Variants in RABGAP1 observed in about 807,000 individuals in gnomAD.
The protein encoded by RABGAP1 is RAB GTPase activating protein 1.
In RABGAP1, 23 loss-of-function variants were observed where a neutral mutation model predicts 137.6. The ratio of observed to expected loss-of-function variants is 0.17; its 90% CI spans 0.12 to 0.24. RABGAP1 has a LOEUF of 0.24. Ranked by LOEUF, RABGAP1 falls within the 10% of genes least tolerant of loss-of-function variation. The pLI, the probability that RABGAP1 is intolerant of heterozygous loss-of-function variation, is 1.00. For synonymous variants in RABGAP1, 451 were observed against 450.7 expected (o/e 1.00, Z -0.01); for missense variants, 906 against 1,275.8 (o/e 0.71, Z 4.42).
chr9:123,073,733 C>G, intron 16 of RABGAP1, 56 bp downstream of exon 16: 1 of 1,600,442 alleles, frequency 6.2e-7, no homozygotes, highest in Non-Finnish European at 8.5e-7. Flanking sequence ...TAAGGAGCAC[C>G]AAATTGAGGA....
chr9:123,061,658 G>A (rs1440990582), intron 13 of RABGAP1, among the ~76,000 whole-genome samples: 4 of 152,094 alleles, frequency 2.6e-5, no homozygotes, highest in Non-Finnish European at 5.9e-5. Context: ...AAATGAATTA[G>A]CCAAAACACA....
chr9:123,074,304 A>G lies in RABGAP1; in HGVS notation c.2129A>G (p.Tyr710Cys). The change falls in exon 17 of 26, where the codon TAC becomes TGC. Residue 710 changes from tyrosine to cysteine, a missense_variant. Transcript: ENST00000373647. ...TTTCAGGAATACATTCCTGACCTGT[A>G]CAACCACTTCCTGGATATAAGCCTT... The part of the protein sequence containing the change: ...RLMQEYIPDL[Y>C]NHFLDISLEA... 1.2e-5 allele frequency: 19 copies of G among 1,613,856 alleles called. No homozygotes were observed. The highest frequency in any genetic ancestry group is 1.6e-5 in the Non-Finnish European group (19 of 1,179,810).
In RABGAP1 at chr9:123,022,652, G is replaced by A. The variant is rs189600174; in HGVS notation, c.1794+2193G>A. On this transcript the variant is annotated intron_variant, in intron 13 of 25. Coordinates refer to ENST00000373647, the MANE Select transcript of RABGAP1 (RefSeq NM_012197.4). ...GAACTCCTGACCTCATGATCCGCCC[G>A]CCTCGACCTCCCAAAGTGCTGGGAT... 2.2e-4 allele frequency among the ~76,000 whole-genome samples: 34 copies of A among 152,060 alleles called. 1 individual carries two copies. Among genetic ancestry groups the A allele is most frequent in the Admixed American group, 2.2e-3 (33 of 15,270 alleles).
chr9:122,986,158 G>A (rs1044210331), intron 3 of RABGAP1, 57 bp from the exon 4 acceptor site: 30 of 1,502,804 alleles, frequency 2.0e-5, no homozygotes, highest in East Asian at 6.8e-5. Context: ...CTTGCTAATC[G>A]TATCAACAAA....
At chr9:123,021,563 C>T (rs547257891) in intron 13 of RABGAP1, among the ~76,000 whole-genome samples, 7 of 152,216 alleles carry the variant, frequency 4.6e-5, no homozygotes, top group African/African-American at 1.7e-4. Flanking sequence ...TCAAGCAATC[C>T]AACTGTCTTG....
At chr9:122,954,230 C>T (rs1430809587) in intron 1 of RABGAP1, among the ~76,000 whole-genome samples, 7 of 152,130 alleles carry the variant, frequency 4.6e-5, no homozygotes, top group Non-Finnish European at 7.4e-5. Context: ...TGGGGTACCT[C>T]TTCATTGTGG....
chr9:123,063,944 C>A (rs917441281), intron 13 of RABGAP1, among the ~76,000 whole-genome samples: 24 of 152,140 alleles, frequency 1.6e-4, no homozygotes, highest in Non-Finnish European at 2.9e-4. Context: ...TCTAACTCTT[C>A]AGCTCTCTGT....
intron 13 of RABGAP1, among the ~76,000 whole-genome samples, chr9:123,031,106 T>C (rs2032273201): frequency 6.6e-6 from 1 of 152,214 alleles, no homozygotes; most frequent in Non-Finnish European, 1.5e-5. Flanking sequence ...TTGAATTCTT[T>C]CAAATTTTCA....
chr9:123,052,522 T>C (rs928996051), intron 13 of RABGAP1, among the ~76,000 whole-genome samples: 6 of 152,252 alleles, frequency 3.9e-5, no homozygotes, highest in African/African-American at 1.4e-4. Flanking sequence ...GATACTCTTC[T>C]CTGGGCTTAG....
At chr9:123,061,421 T>A (rs150767922) in intron 13 of RABGAP1, among the ~76,000 whole-genome samples, 192 of 152,332 alleles carry the variant, frequency 1.3e-3, no homozygotes, top group African/African-American at 4.2e-3. Context: ...GGCATGCGCT[T>A]GCTTTTATAA....
Position 123,032,302 on chromosome 9 carries a change from G to C in RABGAP1, c.1794+11843G>C, listed in dbSNP as rs1324843323. On this transcript the variant is annotated intron_variant, in intron 13 of 25. Coordinates refer to ENST00000373647, the MANE Select transcript of RABGAP1 (RefSeq NM_012197.4). The stretch of plus-strand genomic sequence containing the variant: ...CTCATTTTACAGATGATGAAACAGA[G>C]GCTTAAGAGAGGATAAGTAATATTA... Among the ~76,000 whole-genome samples the C allele has an allele frequency of 3.3e-5, 5 of 152,164 alleles. No homozygotes were observed. In the East Asian group the frequency reaches 9.6e-4, roughly 29 times the overall value.
intron 13 of RABGAP1, among the ~76,000 whole-genome samples, chr9:123,028,692 G>A (rs903950980): frequency 2.6e-5 from 4 of 152,188 alleles, no homozygotes; most frequent in Non-Finnish European, 5.9e-5. Flanking sequence ...CAACAGAAGC[G>A]AATGAAGCAT....
Position 123,034,836 on chromosome 9 carries a change from C to T in RABGAP1, c.1794+14377C>T, listed in dbSNP as rs762998837. 20 of 1,613,914 alleles carry T rather than the reference C, an allele frequency of 1.2e-5. No individual in the cohort carries two copies. The South Asian group carries it at 1.4e-4, about 12-fold the overall frequency. ...GCGTGGTCCCTTCTTTATCACTCCT[C>T]CATCACCCCCTTCCAGTAGAGGAGT... On this transcript the variant is annotated intron_variant, in intron 13 of 25. Coordinates refer to ENST00000373647, the MANE Select transcript of RABGAP1 (RefSeq NM_012197.4).
chr9:123,074,579 C>T (rs1170209313), intron 17 of RABGAP1, 151 bp downstream of exon 17: 1 of 856,900 alleles, frequency 1.2e-6, no homozygotes, highest in Non-Finnish European at 1.7e-6. Flanking sequence ...AAGTGACTTC[C>T]TTGGACTAAA....
At chr9:122,931,967 G>C in the RABGAP1 span, among the ~76,000 whole-genome samples, 1 of 152,172 alleles carries the variant, frequency 6.6e-6, no homozygotes, top group Non-Finnish European at 1.5e-5. Context: ...GTGTTTTTCA[G>C]GGTTCTTGCC....
At chr9:122,948,733 G>A (rs1834068333) in intron 1 of RABGAP1, among the ~76,000 whole-genome samples, 1 of 152,090 alleles carries the variant, frequency 6.6e-6, no homozygotes, top group Non-Finnish European at 1.5e-5. Flanking sequence ...TTGTGACTGT[G>A]TTAACTGTTT....
intron 10 of RABGAP1, among the ~76,000 whole-genome samples, chr9:122,999,268 C>T (rs969833091): frequency 6.6e-6 from 1 of 152,148 alleles, no homozygotes. Flanking sequence ...ACTGCAACCT[C>T]CGCCTCCCGG....
At chr9:123,066,817 G>C (rs2034188477) in intron 14 of RABGAP1, among the ~76,000 whole-genome samples, 1 of 152,104 alleles carries the variant, frequency 6.6e-6, no homozygotes, top group African/African-American at 2.4e-5. Context: ...TAAAAATACA[G>C]TTCATTTTAA....
intron 13 of RABGAP1, among the ~76,000 whole-genome samples, chr9:123,029,110 A>G (rs539551616): frequency 6.6e-6 from 1 of 152,214 alleles, no homozygotes; most frequent in African/African-American, 2.4e-5. Context: ...TGGCAAAGGG[A>G]TGGGGAAAAA....
Sources: allele counts gnomAD v4.1 joint callset (sites outside exome capture counted in the v4.1 genomes callset), GRCh38; gene constraint gnomAD v4.1.1; transcripts MANE v1.5; gene names NCBI Gene and HGNC (gene_info 2026-07-23, HGNC 2026-07-21).